The following RP2 variants were observed in gnomAD, a reference collection of about 807,000 sequenced individuals.
RP2 encodes the protein RP2 activator of ARL3 GTPase.
In RP2, 3 loss-of-function variants were observed where a neutral mutation model predicts 20.3. The observed-to-expected ratio is 0.15, with a 90% CI of 0.07 to 0.38. RP2 has a LOEUF of 0.38. Among genes scored for constraint, RP2 ranks in the 10% least tolerant of loss-of-function variants. The pLI is 1.00. For synonymous variants in RP2, 75 were observed against 94.8 expected (o/e 0.79, Z 1.22); for missense variants, 233 against 268.5 (o/e 0.87, Z 0.92).
chrX:46,864,279 G>A (rs1428605978), intron 3 of RP2, among the ~76,000 whole-genome samples: 1 of 111,402 alleles, frequency 9.0e-6, no homozygotes, highest in Non-Finnish European at 1.9e-5. Context: ...CTCGAGCTTG[G>A]GCAGCAGAGC....
At chrX:46,853,420 T>C in intron 1 of RP2, 56 bp from the exon 2 acceptor site, 2 of 1,094,621 alleles carry the variant, frequency 1.8e-6, no homozygotes, top group Admixed American at 4.7e-5. Flanking sequence ...AGTCCTTTAG[T>C]TGATACTTGT....
At chrX:46,868,785 C>CAA (rs142957575) in intron 3 of RP2, among the ~76,000 whole-genome samples, 2 of 43,449 alleles carry the variant, frequency 4.6e-5, no homozygotes, top group Admixed American at 6.2e-4. Context: ...TACTCCATCT[C>CAA]AAAAAAAAAA....
chrX:46,879,294 G>A (rs1925431994), intron 4 of RP2, among the ~76,000 whole-genome samples: 2 of 108,151 alleles, frequency 1.8e-5, no homozygotes, highest in African/African-American at 6.6e-5. Flanking sequence ...GCTTTGAAAG[G>A]GATAATCTCA....
At chrX:46,847,519 A>ATATG (rs782013134) in intron 1 of RP2, among the ~76,000 whole-genome samples, 28 of 106,404 alleles carry the variant, frequency 2.6e-4, no homozygotes, top group South Asian at 1.6e-3. Context: ...CACTATATGT[A>ATATG]TATGTATGTA....
chrX:46,852,172 A>G (rs1924873328), intron 1 of RP2, among the ~76,000 whole-genome samples: 1 of 110,582 alleles, frequency 9.0e-6, no homozygotes, highest in Non-Finnish European at 1.9e-5. Flanking sequence ...GCGCCATTGC[A>G]TTCCAGCCTG....
chrX:46,877,533 G>T lies in RP2; in HGVS notation c.912G>T (p.Gly304=). 3 of 1,207,956 alleles carry T rather than the reference G, an allele frequency of 2.5e-6. No homozygotes were observed. The highest frequency in any genetic ancestry group is 2.2e-6 in the Non-Finnish European group (2 of 892,047). Residue 304 remains glycine (G), a synonymous_variant, in exon 4 of 5, where the codon GGG becomes GGT. Transcript: ENST00000218340. ...CTGTTATTGCCTTGGAGTTTAATGGGGATGGTGCTGTAGAAGTATGTCAAC... is the reference window on the plus strand; with the variant it reads ...CTGTTATTGCCTTGGAGTTTAATGGTGATGGTGCTGTAGAAGTATGTCAAC... ...KGPVIALEFN[G]DGAVEVCQLI...
chrX:46,839,221 A>G (rs1226897469), intron 1 of RP2, among the ~76,000 whole-genome samples: 2 of 110,575 alleles, frequency 1.8e-5, no homozygotes, highest in Non-Finnish European at 3.8e-5. Context: ...AAGTTGCCTC[A>G]TTTTGATAGC....
chrX:46,847,036 A>G (rs1331595324), intron 1 of RP2, among the ~76,000 whole-genome samples: 1 of 111,042 alleles, frequency 9.0e-6, no homozygotes, highest in Non-Finnish European at 1.9e-5. Context: ...GCCTAGCTTT[A>G]AAAAAAAATG....
At chrX:46,846,254 A>G (rs1924712735) in intron 1 of RP2, among the ~76,000 whole-genome samples, 1 of 111,780 alleles carries the variant, frequency 8.9e-6, no homozygotes, top group South Asian at 3.7e-4. Flanking sequence ...GTAAATACTC[A>G]TGAGTGGGAT....
rs1301930152 is a variant in RP2, at chrX:46,880,563, C to G, written c.*794C>G. On this transcript the variant is annotated 3_prime_UTR_variant, in exon 5 of 5. Coordinates refer to ENST00000218340, the MANE Select transcript of RP2 (RefSeq NM_006915.3). ...CCAGCAGTTTTTAAAAAGGTGATAA[C>G]TTTTATTAGCTCTTGTGGGCTATCA... The G allele has an allele frequency of 9.0e-6, 1 of 111,593 alleles. No homozygotes were observed. The highest frequency in any genetic ancestry group is 1.9e-5 in the Non-Finnish European group (1 of 53,056). The allele number at this position is 111,593 out of a possible 1,213,427, so 9.2% of individuals were successfully genotyped here.
intron 3 of RP2, among the ~76,000 whole-genome samples, chrX:46,871,190 A>G (rs943112156): frequency 8.6e-5 from 9 of 104,460 alleles, no homozygotes; most frequent in Non-Finnish European, 3.9e-5. Context: ...CCCGGCTAAT[A>G]TTTGTATTTT....
intron 1 of RP2, among the ~76,000 whole-genome samples, chrX:46,840,090 G>T (rs782421240): frequency 8.9e-6 from 1 of 112,137 alleles, no homozygotes; most frequent in South Asian, 3.7e-4. Context: ...CGATTCTCCA[G>T]CCTCAGCCTC....
chrX:46,864,654 G>A (rs1192718808), intron 3 of RP2, among the ~76,000 whole-genome samples: 2 of 110,965 alleles, frequency 1.8e-5, no homozygotes, highest in South Asian at 3.8e-4. Context: ...CATGTGATGC[G>A]TCCGCCTCAG....
intron 2 of RP2, among the ~76,000 whole-genome samples, chrX:46,857,633 A>G (rs1924987756): frequency 1.8e-5 from 2 of 112,206 alleles, no homozygotes; most frequent in Non-Finnish European, 3.8e-5. Context: ...TGTACAGGAT[A>G]AAATAGAGTA....
chrX:46,863,044 G>A (rs1195209376), intron 3 of RP2, among the ~76,000 whole-genome samples: 1 of 112,089 alleles, frequency 8.9e-6, no homozygotes, highest in Non-Finnish European at 1.9e-5. Flanking sequence ...AAATATGGGG[G>A]AATTATTCTG....
At position 46,859,990 on chromosome X, in the gene RP2, G is replaced by A. The variant is rs1234207270; in HGVS notation, c.771G>A (p.Met257Ile). Residue 257 changes from methionine to isoleucine, a missense_variant and splice_region_variant, in exon 3 of 5, where the codon ATG becomes ATA. Met to Ile is a conservative substitution (Grantham distance 10). Coordinates refer to ENST00000218340, the MANE Select transcript of RP2 (RefSeq NM_006915.3). ...IANARKLIDE[M>I]VGKGFFLVQT... is the part of the protein sequence containing the mutation. ...TCAATGAAATTTTATTTTCACAGATGGTTGGTAAAGGCTTTTTCCTAGTTC... is the reference window on the plus strand; with the variant it reads ...TCAATGAAATTTTATTTTCACAGATAGTTGGTAAAGGCTTTTTCCTAGTTC... The A allele has an allele frequency of 1.7e-6, 2 of 1,185,136 alleles. No individual in the cohort carries two copies. The highest frequency in any genetic ancestry group is 1.1e-6 in the Non-Finnish European group (1 of 872,841).
At chrX:46,852,956 G>C (rs1198032840) in intron 1 of RP2, among the ~76,000 whole-genome samples, 1 of 111,843 alleles carries the variant, frequency 8.9e-6, no homozygotes, top group African/African-American at 3.2e-5. Context: ...AGCTGAAATA[G>C]CAAGGTCATG....
chrX:46,840,986 A>G (rs1207676945), intron 1 of RP2, among the ~76,000 whole-genome samples: 1 of 112,468 alleles, frequency 8.9e-6, no homozygotes, highest in Non-Finnish European at 1.9e-5. Flanking sequence ...TGTGCACTTC[A>G]GGTTCCTCAG....
chrX:46,862,467 T>G (rs1234864281), intron 3 of RP2, among the ~76,000 whole-genome samples: 3 of 110,410 alleles, frequency 2.7e-5, no homozygotes, highest in Non-Finnish European at 5.7e-5. Context: ...AAGACCATCC[T>G]GGCTAACACG....
Sources: gnomAD v4.1 joint callset for allele counts (sites outside exome capture counted in the v4.1 genomes callset) on GRCh38, gnomAD v4.1.1 for gene constraint, MANE v1.5 for transcripts, NCBI Gene and HGNC (gene_info 2026-07-23, HGNC 2026-07-21) for gene names.